The following TCF20 variants were observed in gnomAD, a reference collection of about 807,000 sequenced individuals.
TCF20 encodes transcription factor 20, also known as SPRE-binding protein.
Under a neutral mutation model 148.6 loss-of-function variants are expected in TCF20, and 3 were observed. That is an observed-to-expected ratio of 0.02 (90% CI 0.01 to 0.05). The LOEUF (loss-of-function observed/expected upper bound fraction) is 0.05. Among genes scored for constraint, TCF20 ranks in the 10% least tolerant of loss-of-function variants. TCF20 has a pLI of 1.00. For missense variants in TCF20, 2,350 were observed against 2,429.3 expected, an observed-to-expected ratio of 0.97 and a Z score of 0.69; for synonymous variants, 1,049 against 909.5, an observed-to-expected ratio of 1.15 and a Z score of -2.76.
chr22:42,224,998 C>A (rs1922735955), intron 1 of TCF20, among the ~76,000 whole-genome samples: 1 of 114,640 alleles, frequency 8.7e-6, no homozygotes, highest in Non-Finnish European at 1.8e-5. Context: ...AGGAAATAAT[C>A]ACTTTTTTTT....
intron 1 of TCF20, among the ~76,000 whole-genome samples, chr22:42,258,997 T>C (rs555022287): frequency 6.6e-6 from 1 of 152,312 alleles, no homozygotes; most frequent in African/African-American, 2.4e-5. Context: ...TTCTCATCAA[T>C]ACATGACAAT....
At chr22:42,247,838 T>C (rs771411940) in intron 1 of TCF20, among the ~76,000 whole-genome samples, 8 of 152,158 alleles carry the variant, frequency 5.3e-5, no homozygotes, top group Non-Finnish European at 7.3e-5. Flanking sequence ...CCTACTTGAC[T>C]GGTTCCTCCG....
chr22:42,240,898 C>G (rs528055104), intron 1 of TCF20, among the ~76,000 whole-genome samples: 2 of 152,094 alleles, frequency 1.3e-5, no homozygotes, highest in South Asian at 2.1e-4. Context: ...CTGTCCCCCC[C>G]AGGCTGGAGT....
intron 1 of TCF20, among the ~76,000 whole-genome samples, chr22:42,237,252 A>G (rs533944821): frequency 1.5e-4 from 23 of 152,330 alleles, no homozygotes; most frequent in African/African-American, 5.5e-4. Flanking sequence ...CATTTCAACA[A>G]TGTTCACAGC....
chr22:42,241,787 C>CCACTG (rs1047311324), intron 1 of TCF20, among the ~76,000 whole-genome samples: 8 of 151,964 alleles, frequency 5.3e-5, no homozygotes, highest in Admixed American at 5.2e-4. Flanking sequence ...CAAGATCGTG[C>CCACTG]CACTGCACTG....
chr22:42,267,073 G>T (rs1231921329), intron 1 of TCF20, among the ~76,000 whole-genome samples: 3 of 151,728 alleles, frequency 2.0e-5, no homozygotes, highest in African/African-American at 4.8e-5. Context: ...TTTGAGACCA[G>T]CCTGACCAAC....
At position 42,213,560 on chromosome 22, in the gene TCF20, G is replaced by A; in HGVS notation, c.1746C>T (p.Thr582=). The A allele has an allele frequency of 6.2e-7, 1 of 1,614,192 alleles. No individual in the cohort carries two copies. The highest frequency in any genetic ancestry group is 8.5e-7 in the Non-Finnish European group (1 of 1,180,038). ...NASPAAREEA[T]SPGAKDMPLS... is the part of the protein sequence containing the mutation. ...ATGGCATGTCCTTAGCGCCTGGTGA[G>A]GTGGCCTCTTCTCTTGCGGCAGGAC... is the stretch of plus-strand genomic sequence containing the variant. The change falls in exon 2 of 6, where the codon ACC becomes ACT. Residue 582 remains threonine, a synonymous_variant. Coordinates refer to ENST00000677622, the MANE Select transcript of TCF20 (RefSeq NM_001378418.1).
At position 42,210,217 on chromosome 22, in the gene TCF20, A is replaced by T; in HGVS notation, c.5089T>A (p.Ser1697Thr). The T allele has an allele frequency of 1.2e-6, 2 of 1,613,924 alleles. No homozygotes were observed. The highest frequency in any genetic ancestry group is 1.7e-6 in the Non-Finnish European group (2 of 1,179,972). Residue 1697 changes from serine to threonine, a missense_variant, in exon 2 of 6, where the codon TCT becomes ACT. Ser to Thr is a moderately conservative substitution (Grantham distance 58). Transcript: ENST00000677622. The surrounding 1 kb of genome is among the most constrained non-coding windows in gnomAD (Gnocchi z 4.7). ...FMLQGPVVTE[S>T]SVMGHLVCCL... ...CAAACCAGGTGCCCCATAACCGAAGACTCTGTCACAACAGGTCCCTGCAGC... is the reference window on the plus strand; with the variant it reads ...CAAACCAGGTGCCCCATAACCGAAGTCTCTGTCACAACAGGTCCCTGCAGC...
intron 1 of TCF20, among the ~76,000 whole-genome samples, chr22:42,233,875 CATA>C (rs1301804012): frequency 6.6e-6 from 1 of 152,132 alleles, no homozygotes; most frequent in Non-Finnish European, 1.5e-5. Flanking sequence ...AGTGGCTTTA[CATA>C]ATAAATCCCA....
intron 1 of TCF20, among the ~76,000 whole-genome samples, chr22:42,327,693 G>A (rs1927899112): frequency 2.0e-5 from 3 of 151,362 alleles, no homozygotes; most frequent in Admixed American, 2.0e-4. Flanking sequence ...GGAAGAGGTG[G>A]AGCTGGGCTG....
intron 1 of TCF20, among the ~76,000 whole-genome samples, chr22:42,262,814 T>C (rs757588728): frequency 2.0e-5 from 3 of 152,140 alleles, no homozygotes; most frequent in Non-Finnish European, 2.9e-5. Flanking sequence ...TGGTACAGCA[T>C]CTTCTATTCC....
At chr22:42,319,869 T>C (rs1162544061) in intron 1 of TCF20, among the ~76,000 whole-genome samples, 1 of 152,016 alleles carries the variant, frequency 6.6e-6, no homozygotes, top group Non-Finnish European at 1.5e-5. Flanking sequence ...TGTCACTGGA[T>C]CCCCTTACCC....
chr22:42,331,226 G>A (rs932860049), intron 1 of TCF20, among the ~76,000 whole-genome samples: 1 of 152,166 alleles, frequency 6.6e-6, no homozygotes, highest in Non-Finnish European at 1.5e-5. Flanking sequence ...CAGGACACCC[G>A]CCCGCCTGGC....
intron 1 of TCF20, among the ~76,000 whole-genome samples, chr22:42,301,623 C>G (rs1927337924): frequency 6.6e-6 from 1 of 152,210 alleles, no homozygotes; most frequent in Non-Finnish European, 1.5e-5. Context: ...GACAGAGCTC[C>G]CTGGCGTAGC....
At chr22:42,334,294 C>T (rs1364853745) in intron 1 of TCF20, among the ~76,000 whole-genome samples, 1 of 152,162 alleles carries the variant, frequency 6.6e-6, no homozygotes, top group African/African-American at 2.4e-5. Flanking sequence ...TCATCATTGG[C>T]TCCATTTTAC....
intron 3 of TCF20, among the ~76,000 whole-genome samples, chr22:42,174,283 TACC>T (rs1240054164): frequency 6.6e-6 from 1 of 152,238 alleles, no homozygotes; most frequent in Non-Finnish European, 1.5e-5. Flanking sequence ...GGTTTGTGGT[TACC>T]ACATTGGAGA....
intron 1 of TCF20, among the ~76,000 whole-genome samples, chr22:42,240,075 G>T (rs753518500): frequency 6.6e-6 from 1 of 152,166 alleles, no homozygotes; most frequent in African/African-American, 2.4e-5. Context: ...AATCATTACT[G>T]TAAGTCTGGC....
intron 1 of TCF20, among the ~76,000 whole-genome samples, chr22:42,296,362 G>A (rs1005086839): frequency 9.9e-5 from 15 of 152,234 alleles, no homozygotes; most frequent in African/African-American, 3.4e-4. Flanking sequence ...TGCCCTGGCT[G>A]CACTCTTTGC....
intron 1 of TCF20, among the ~76,000 whole-genome samples, chr22:42,218,244 T>C (rs748400070): frequency 2.0e-5 from 3 of 152,242 alleles, no homozygotes; most frequent in African/African-American, 4.8e-5. Flanking sequence ...TAACATTACA[T>C]TGCCCAGAGG....
Sources: allele counts gnomAD v4.1 joint callset (sites outside exome capture counted in the v4.1 genomes callset), GRCh38; gene constraint gnomAD v4.1.1; non-coding constraint Gnocchi (gnomAD v3.1); transcripts MANE v1.5; gene names NCBI Gene and HGNC (gene_info 2026-07-23, HGNC 2026-07-21).